The following KLHDC4 variants were observed in gnomAD, a reference collection of about 807,000 sequenced individuals.
The protein encoded by KLHDC4 is kelch domain containing 4.
KLHDC4 carries 90 observed loss-of-function variants against 62.4 expected under a neutral mutation model. The observed-to-expected ratio is 1.44, with a 90% CI of 1.22 to 1.72. The LOEUF (loss-of-function observed/expected upper bound fraction) is 1.72, where lower values mean the gene tolerates loss of function less well. Among genes scored for constraint, KLHDC4 ranks in the 40% most tolerant of loss-of-function variants. The probability of loss-of-function intolerance (pLI) is 0.00; values close to 1 mark genes in which losing one functional copy is unlikely to be tolerated. For synonymous variants in KLHDC4, 386 were observed against 284.4 expected (o/e 1.36, Z -3.59); for missense variants, 1,025 against 699.7 (o/e 1.47, Z -5.25).
chr16:87,700,356 C>T (rs910069630), exon 1 of KLHDC4: 1 of 154,998 alleles, frequency 6.5e-6, no homozygotes, highest in Non-Finnish European at 1.5e-5. Context: ...CCGGGCGCAA[C>T]AAGCTTCAGG....
chr16:87,706,575 A>G (rs2034760478), downstream of KLHDC4, among the ~76,000 whole-genome samples: 1 of 152,212 alleles, frequency 6.6e-6, no homozygotes, highest in Admixed American at 6.5e-5. Context: ...GGCAGTGCCC[A>G]GAGCCTTCCC....
chr16:87,735,169 G>A (rs61387673), intron 5 of KLHDC4, among the ~76,000 whole-genome samples: 1 of 151,620 alleles, frequency 6.6e-6, no homozygotes, highest in South Asian at 2.1e-4. Flanking sequence ...GCATGGTGGC[G>A]GGCGCCTGTA....
exon 15 of KLHDC4, chr16:87,701,649 T>TCC (rs1488703080): frequency 2.2e-6 from 1 of 453,258 alleles, no homozygotes. Flanking sequence ...TCACTGCCAC[T>TCC]CGTCCGCCTC....
At position 87,765,161 on chromosome 16, in the gene KLHDC4, A is replaced by G. The variant is rs1279562612; in HGVS notation, c.99+631T>C. The G allele has an allele frequency of 1.3e-5, 6 of 456,068 alleles. No individual in the cohort carries two copies. In the East Asian group the frequency reaches 4.2e-4, roughly 32 times the overall value. The allele number at this position is 456,068 out of a possible 1,614,324, so 28.3% of individuals were successfully genotyped here. A position where few individuals can be genotyped will look rare whatever the true frequency, so the allele number is the denominator to read the frequency against. On this transcript the variant is annotated intron_variant, in intron 1 of 11. Transcript: ENST00000270583. ...GGGAATCCATGAGCAGCAGCCGCAG[A>G]ACACTCAACCCCAAGGTCAGGACGG...
At chr16:87,709,783 G>T in intron 9 of KLHDC4, 116 bp from the exon 10 acceptor site, 1 of 1,257,814 alleles carries the variant, frequency 8.0e-7, no homozygotes, top group Non-Finnish European at 1.1e-6. Flanking sequence ...CGTGGGGAGT[G>T]TGTGACCCAG....
intron 4 of KLHDC4, among the ~76,000 whole-genome samples, chr16:87,749,882 G>C (rs892605577): frequency 2.0e-5 from 3 of 152,130 alleles, no homozygotes; most frequent in Non-Finnish European, 2.9e-5. Flanking sequence ...CCAGCCTTAC[G>C]TGACATTATG....
At chr16:87,760,234 T>TTA (rs2045649928) in intron 2 of KLHDC4, among the ~76,000 whole-genome samples, 1 of 109,944 alleles carries the variant, frequency 9.1e-6, no homozygotes, top group Non-Finnish European at 1.9e-5. Context: ...AAAATATCAT[T>TTA]AAAAAAAAAA....
rs894492043 is a variant in KLHDC4, at chr16:87,718,505, G to C, written c.760-3932C>G. On this transcript the variant is annotated intron_variant, in intron 7 of 11. Transcript: ENST00000270583. ...CTGCCTCAGCCTGCTGAGTGCCTGG[G>C]ATTGCAGGCACGCGCCGCCACGCCT... 5.3e-5 allele frequency among the ~76,000 whole-genome samples: 8 copies of C among 151,740 alleles called. No individual in the cohort carries two copies. In the South Asian group the frequency reaches 8.4e-4, roughly 16 times the overall value.
In KLHDC4 at chr16:87,764,253, C is replaced by T. The variant is rs141117031; in HGVS notation, c.99+1539G>A. 3.9e-5 allele frequency among the ~76,000 whole-genome samples: 6 copies of T among 152,304 alleles called. No homozygotes were observed. The East Asian group carries it at 1.2e-3, about 29-fold the overall frequency. On this transcript the variant is annotated intron_variant, in intron 1 of 11. Coordinates refer to ENST00000270583, the MANE Select transcript of KLHDC4 (RefSeq NM_017566.4). ...TTGTTTTGAGGGTTCATTCAGATAA[C>T]ATACAAACCCCAGGCCTGACAGGCT...
intron 2 of KLHDC4, among the ~76,000 whole-genome samples, chr16:87,759,612 G>A (rs994066482): frequency 1.3e-5 from 2 of 151,800 alleles, no homozygotes; most frequent in African/African-American, 4.8e-5. Context: ...CGGGCGTGGT[G>A]GTGCATGCCT....
At chr16:87,730,725 C>T in intron 5 of KLHDC4, 81 bp from the exon 6 acceptor site, 1 of 1,150,364 alleles carries the variant, frequency 8.7e-7, no homozygotes, top group Non-Finnish European at 1.3e-6. Context: ...AAACAAAATC[C>T]AATTTTTACA....
chr16:87,703,869 G>A (rs191827893), downstream of KLHDC4, among the ~76,000 whole-genome samples: 537 of 152,332 alleles, frequency 3.5e-3, 3 homozygotes, highest in African/African-American at 0.012. Flanking sequence ...CAGCTCTCTC[G>A]TGAAAGAGTA....
At chr16:87,708,147 G>C (rs2035015632) in intron 11 of KLHDC4, 72 bp from the exon 12 acceptor site, 1 of 643,570 alleles carries the variant, frequency 1.6e-6, no homozygotes, top group Non-Finnish European at 2.8e-6. Context: ...AGGAGGGGTA[G>C]AGAGAACACC....
intron 10 of KLHDC4, among the ~76,000 whole-genome samples, chr16:87,708,947 G>A (rs1004670510): frequency 2.8e-4 from 42 of 152,374 alleles, no homozygotes; most frequent in Non-Finnish European, 5.3e-4. Flanking sequence ...CAGACCCAGG[G>A]CCTCGGGGCC....
intron 2 of KLHDC4, among the ~76,000 whole-genome samples, chr16:87,761,278 C>A (rs1484614795): frequency 6.6e-6 from 1 of 152,146 alleles, no homozygotes; most frequent in Non-Finnish European, 1.5e-5. Context: ...GGGACTCGGG[C>A]ACCAGAGCCA....
At chr16:87,752,948 C>T (rs544996796) in intron 4 of KLHDC4, among the ~76,000 whole-genome samples, 5 of 152,170 alleles carry the variant, frequency 3.3e-5, no homozygotes, top group Non-Finnish European at 5.9e-5. Context: ...CAACAGGAAG[C>T]GGGAAGTGCA....
intron 4 of KLHDC4, among the ~76,000 whole-genome samples, chr16:87,751,547 G>A (rs1232539330): frequency 1.3e-5 from 2 of 152,040 alleles, no homozygotes; most frequent in Non-Finnish European, 2.9e-5. Flanking sequence ...AGTTTAGGGA[G>A]AATAGACAAT....
intron 5 of KLHDC4, among the ~76,000 whole-genome samples, chr16:87,737,491 G>C (rs2041533859): frequency 6.6e-6 from 1 of 152,116 alleles, no homozygotes. Flanking sequence ...GGAAAGCTGA[G>C]GCAAGAGAAT....
intron 8 of KLHDC4, among the ~76,000 whole-genome samples, chr16:87,713,331 C>G (rs1170724961): frequency 6.6e-6 from 1 of 151,688 alleles, no homozygotes; most frequent in Non-Finnish European, 1.5e-5. Context: ...TCCCGAGTAG[C>G]TGGAACTACA....
Sources: allele counts gnomAD v4.1 joint callset (sites outside exome capture counted in the v4.1 genomes callset), GRCh38; gene constraint gnomAD v4.1.1; transcripts MANE v1.5; gene names NCBI Gene and HGNC (gene_info 2026-07-23, HGNC 2026-07-21).